MYO3A: variants seen among roughly 807,000 people sequenced by gnomAD.
The protein encoded by MYO3A is myosin IIIA.
A neutral mutation model predicts 192.7 loss-of-function variants in MYO3A; 180 were observed. The ratio of observed to expected loss-of-function variants is 0.93; its 90% confidence interval spans 0.83 to 1.06. MYO3A has a LOEUF of 1.06. Ranked by LOEUF, MYO3A falls within the 50% of genes least tolerant of loss-of-function variation. The probability of loss-of-function intolerance (pLI) is 0.00; values close to 1 mark genes in which losing one functional copy is unlikely to be tolerated. For missense variants in MYO3A, 1,896 were observed against 1,905.0 expected, an observed-to-expected ratio of 1.00 and a Z score of 0.09; for synonymous variants, 628 against 645.3, an observed-to-expected ratio of 0.97 and a Z score of 0.41.
rs532627907 is a variant in MYO3A, at chr10:26,198,647, C to T, written c.4546-2618C>T. Among the ~76,000 whole-genome samples the T allele has an allele frequency of 3.9e-5, 6 of 152,264 alleles. No homozygotes were observed. In the East Asian group the frequency reaches 7.7e-4, roughly 20 times the overall value. On this transcript the variant is annotated intron_variant, in intron 32 of 34. Transcript: ENST00000642920. ...ATGATGTAATGGATATGAATTTTAA[C>T]GTTTTGTCATAAAACATATTTCTTT...
chr10:26,066,594 C>T (rs550373887), intron 10 of MYO3A, among the ~76,000 whole-genome samples: 1 of 152,232 alleles, frequency 6.6e-6, no homozygotes, highest in South Asian at 2.1e-4. Context: ...AATGACCATA[C>T]CTTGATCACC....
intron 30 of MYO3A, among the ~76,000 whole-genome samples, chr10:26,174,816 C>G (rs764487368): frequency 7.9e-5 from 12 of 151,962 alleles, no homozygotes; most frequent in Middle Eastern, 3.2e-3. Context: ...ATACAGCTTA[C>G]TAAAATGCTG....
At chr10:26,062,682 A>C (rs1044312021) in intron 10 of MYO3A, among the ~76,000 whole-genome samples, 5 of 152,038 alleles carry the variant, frequency 3.3e-5, no homozygotes, top group African/African-American at 1.2e-4. Flanking sequence ...AAAGCAGCAA[A>C]TTGAGGACTG....
intron 20 of MYO3A, among the ~76,000 whole-genome samples, chr10:26,136,751 C>T (rs935765249): frequency 6.6e-6 from 1 of 152,198 alleles, no homozygotes; most frequent in African/African-American, 2.4e-5. Context: ...GGCATGGCAG[C>T]TCACACCTGT....
In MYO3A at chr10:26,124,680, T is replaced by C. The variant is rs184096607; in HGVS notation, c.1904-718T>C. 4.5e-4 allele frequency among the ~76,000 whole-genome samples: 68 copies of C among 152,336 alleles called. 1 individual carries two copies. Among genetic ancestry groups the C allele is most frequent in the African/African-American group, 1.6e-3 (68 of 41,588 alleles). On this transcript the variant is annotated intron_variant, in intron 18 of 34. Transcript: ENST00000642920. ...ATTTGAAAAATTAGCCAATCTGTCA[T>C]GTAATAGTTTTGGTTAAAGATGTTT...
intron 17 of MYO3A, among the ~76,000 whole-genome samples, chr10:26,101,365 GT>G (rs1312201245): frequency 6.6e-6 from 1 of 152,182 alleles, no homozygotes; most frequent in African/African-American, 2.4e-5. Flanking sequence ...GCCAGTCTGT[GT>G]CTTTTAATTG....
chr10:26,084,134 TAA>T (rs1836153631), intron 14 of MYO3A, among the ~76,000 whole-genome samples: 1 of 152,226 alleles, frequency 6.6e-6, no homozygotes, highest in Admixed American at 6.5e-5. Flanking sequence ...CTTCCACTTT[TAA>T]AATTAAAAAA....
chr10:26,203,360 ATTT>A (rs1843765182), intron 34 of MYO3A, among the ~76,000 whole-genome samples: 1 of 152,182 alleles, frequency 6.6e-6, no homozygotes, highest in African/African-American at 2.4e-5. Context: ...AACTCCTGTT[ATTT>A]AATAAAAGTA....
chr10:26,145,491 A>G lies in MYO3A; in HGVS notation c.2462A>G (p.Lys821Arg), dbSNP rs1419955086. ...AAATCACAATACTTCTGGAGACCCA[A>G]AAGAATGGAACTTAGTTTTGGAATT... is the stretch of plus-strand genomic sequence containing the variant. ...NLKSQYFWRP[K>R]RMELSFGIHH... Residue 821 changes from lysine (K) to arginine (R), a missense_variant, in exon 22 of 35, where the codon AAA (lysine) becomes AGA (arginine). Coordinates refer to ENST00000642920, the MANE Select transcript of MYO3A (RefSeq NM_017433.5). 1 of 1,610,906 alleles carries G rather than the reference A, an allele frequency of 6.2e-7. No individual in the cohort carries two copies. Among genetic ancestry groups the G allele is most frequent in the Non-Finnish European group, 8.5e-7 (1 of 1,177,122 alleles).
chr10:26,083,826 A>G (rs1341010896), intron 14 of MYO3A, among the ~76,000 whole-genome samples: 1 of 152,220 alleles, frequency 6.6e-6, no homozygotes, highest in African/African-American at 2.4e-5. Flanking sequence ...CACTTTGCTT[A>G]ATATTGCTTT....
chr10:26,082,377 A>T (rs927176760), intron 14 of MYO3A, among the ~76,000 whole-genome samples: 5 of 151,830 alleles, frequency 3.3e-5, no homozygotes, highest in African/African-American at 7.3e-5. Flanking sequence ...TTTCTTTTTC[A>T]GTTAGGTTGT....
intron 31 of MYO3A, among the ~76,000 whole-genome samples, chr10:26,179,663 T>C (rs912514208): frequency 3.3e-5 from 5 of 152,208 alleles, no homozygotes; most frequent in African/African-American, 7.2e-5. Context: ...TCCTAGTGTT[T>C]TATGCAAACA....
rs963701228 is a variant in MYO3A, at chr10:25,997,185, A to T, written c.435A>T (p.Lys145Asn). 6.2e-7 allele frequency: 1 copy of T among 1,613,388 alleles called. No homozygotes were observed. Residue 145 changes from lysine (K) to asparagine (N), a missense_variant, in exon 6 of 35, where the codon AAA becomes AAT. Transcript: ENST00000642920. ...GACTTCAACATTTGCATAACAACAAAACTATCCACAGAGATGTGAAAGGCA... is the reference window on the plus strand; with the variant it reads ...GACTTCAACATTTGCATAACAACAATACTATCCACAGAGATGTGAAAGGCA... The part of the protein sequence containing the change: ...LMGLQHLHNN[K>N]TIHRDVKGNN...
At chr10:25,983,474 G>T (rs1392450702) in intron 4 of MYO3A, among the ~76,000 whole-genome samples, 1 of 151,964 alleles carries the variant, frequency 6.6e-6, no homozygotes, top group African/African-American at 2.4e-5. Flanking sequence ...ATCCAGGATG[G>T]TCTCGATCTC....
intron 14 of MYO3A, among the ~76,000 whole-genome samples, chr10:26,082,839 A>G (rs1836054326): frequency 6.6e-6 from 1 of 151,480 alleles, no homozygotes; most frequent in African/African-American, 2.4e-5. Flanking sequence ...TATAGGCTCA[A>G]TGCTTTCTGG....
At chr10:25,984,924 G>A (rs997557899) in intron 4 of MYO3A, among the ~76,000 whole-genome samples, 29 of 152,142 alleles carry the variant, frequency 1.9e-4, no homozygotes, top group African/African-American at 6.5e-4. Flanking sequence ...AAAGTTCATA[G>A]CATTAAATCC....
intron 4 of MYO3A, among the ~76,000 whole-genome samples, chr10:25,972,632 A>G (rs978092616): frequency 2.6e-5 from 4 of 152,146 alleles, no homozygotes; most frequent in African/African-American, 7.2e-5. Flanking sequence ...TGGCTGGACT[A>G]TTTTAGTAAA....
Position 26,068,767 on chromosome 10 carries a change from G to C in MYO3A, c.1054-1G>C, listed in dbSNP as rs1333265151. 6.5e-7 allele frequency: 1 copy of C among 1,532,140 alleles called. No homozygotes were observed. The highest frequency in any genetic ancestry group is 9.0e-7 in the Non-Finnish European group (1 of 1,106,694). 94.9% of individuals were successfully genotyped at this position (1,532,140 alleles called of 1,614,324 possible). A position where few individuals can be genotyped will look rare whatever the true frequency, so the allele number is the denominator to read the frequency against. On this transcript the variant is annotated splice_acceptor_variant, in intron 11 of 34. Transcript: ENST00000642920. LOFTEE classifies it high-confidence loss of function. ...GGAGAAATTATTTTATTTTATTGCA[G>C]AATACAGTCTCAGAGCAACTTGAGA...
In MYO3A at chr10:26,045,823, A is replaced by G. The variant is rs1588852129; in HGVS notation, c.953+19291A>G. 2.6e-5 allele frequency among the ~76,000 whole-genome samples: 4 copies of G among 152,036 alleles called. No homozygotes were observed. In the East Asian group the frequency reaches 7.7e-4, roughly 29 times the overall value. ...TCTCTGATTGCAGATCATAAGACCC[A>G]CTCTTTATCCAATCTCGTTTCTACA... is the stretch of plus-strand genomic sequence containing the variant. On this transcript the variant is annotated intron_variant, in intron 10 of 34. Coordinates refer to ENST00000642920, the MANE Select transcript of MYO3A (RefSeq NM_017433.5).
Sources: gnomAD v4.1 joint callset for allele counts (sites outside exome capture counted in the v4.1 genomes callset) on GRCh38, gnomAD v4.1.1 for gene constraint, MANE v1.5 for transcripts, NCBI Gene and HGNC (gene_info 2026-07-23, HGNC 2026-07-21) for gene names.